Variants in LAMA3 observed in about 807,000 individuals in gnomAD.
The protein encoded by LAMA3 is laminin subunit alpha 3, also known as laminin subunit alpha-3.
LAMA3 carries 281 observed loss-of-function variants against 402.0 expected under a neutral mutation model. The ratio of observed to expected loss-of-function variants is 0.70; its 90% CI spans 0.63 to 0.77. The LOEUF is 0.77. Among genes scored for constraint, LAMA3 ranks in the 30% least tolerant of loss-of-function variants. The pLI, the probability that LAMA3 is intolerant of heterozygous loss-of-function variation, is 0.00. For synonymous variants in LAMA3, 1,431 were observed against 1,558.4 expected (o/e 0.92, Z 1.93); for missense variants, 3,840 against 4,215.5 (o/e 0.91, Z 2.47).
At chr18:23,828,581 T>A (rs2063431393) in intron 23 of LAMA3, among the ~76,000 whole-genome samples, 1 of 151,908 alleles carries the variant, frequency 6.6e-6, no homozygotes, top group Admixed American at 6.6e-5. Flanking sequence ...GGTATATGTA[T>A]GTGTGTGTGT....
chr18:23,915,873 G>A (rs2081592902), intron 59 of LAMA3, among the ~76,000 whole-genome samples: 1 of 151,680 alleles, frequency 6.6e-6, no homozygotes, highest in Non-Finnish European at 1.5e-5. Flanking sequence ...GAGTGTGATG[G>A]TGTGTGCCTG....
At chr18:23,756,626 C>A (rs1190803180) in intron 6 of LAMA3, among the ~76,000 whole-genome samples, 2 of 152,160 alleles carry the variant, frequency 1.3e-5, no homozygotes, top group Non-Finnish European at 2.9e-5. Context: ...GCACCAGTAT[C>A]GTCATCTGCA....
rs1357194797 is a variant in LAMA3, at chr18:23,838,666, AATT to A, written c.3094-109_3094-107del. On this transcript the variant is annotated intron_variant, in intron 25 of 74. Transcript: ENST00000313654. ...TTTACTACTTTAAAATAACGATTAG[AATT>A]ATTATGGATAAATCCTTTACTTAAT... The A allele has an allele frequency of 4.2e-6, 3 of 713,060 alleles. No individual in the cohort carries two copies. The African/African-American group carries it at 5.2e-5, about 12-fold the overall frequency. 44.2% of individuals were successfully genotyped at this position (713,060 alleles called of 1,614,324 possible).
At chr18:23,690,872 ATTAT>A (rs10665618) in intron 1 of LAMA3, among the ~76,000 whole-genome samples, 9,162 of 136,888 alleles carry the variant, frequency 0.067, 353 homozygotes, top group Middle Eastern at 0.13. Context: ...AGGCCTGGCA[ATTAT>A]TTATTTATTT....
At position 23,914,693 on chromosome 18, in the gene LAMA3, A is replaced by C. The variant is rs780657629; in HGVS notation, c.7482-5A>C. 3.7e-5 allele frequency: 59 copies of C among 1,610,616 alleles called. 1 individual carries two copies. In the South Asian group the frequency reaches 5.3e-4, roughly 14 times the overall value. On this transcript the variant is annotated splice_polypyrimidine_tract_variant and splice_region_variant and intron_variant, in intron 57 of 74. Coordinates refer to ENST00000313654, the MANE Select transcript of LAMA3 (RefSeq NM_198129.4). ...AACTTTATTATCTAAATTCATTTTA[A>C]ACAGAATTTATCAGTTTGCAAGGCT...
rs750961222 is a variant in LAMA3 at position 23,950,136 on chromosome 18, T to A, written c.9619T>A (p.Cys3207Ser). ...CGGAAGTCAGCCCGGGAAGCACTTA[T>A]GTGTTTACCTGGAGGCAGGAAAGGT... ...HIGSQPGKHL[C>S]VYLEAGKVTA... is the part of the protein sequence containing the mutation. Residue 3207 changes from cysteine (C) to serine (S), a missense_variant, in exon 72 of 75, where the codon TGT becomes AGT. Cys to Ser is a moderately radical substitution (Grantham distance 112). This residue lies in a region of LAMA3 where 840 missense variants were observed against 981.9 expected (regional missense o/e 0.86). Transcript: ENST00000313654. The A allele has an allele frequency of 7.4e-6, 12 of 1,614,002 alleles. No homozygotes were observed. In the South Asian group the frequency reaches 1.3e-4, roughly 18 times the overall value.
At chr18:23,947,332 T>C (rs1266800832) in intron 70 of LAMA3, among the ~76,000 whole-genome samples, 1 of 152,204 alleles carries the variant, frequency 6.6e-6, no homozygotes, top group Non-Finnish European at 1.5e-5. Context: ...GATGAGCCTA[T>C]CAACAGCTCA....
At chr18:23,884,467 T>C (rs181010556) in intron 40 of LAMA3, among the ~76,000 whole-genome samples, 2 of 152,282 alleles carry the variant, frequency 1.3e-5, no homozygotes, top group Admixed American at 1.3e-4. Flanking sequence ...CCTGGAAAAA[T>C]GCTGTTGTAA....
rs1224162324 is a variant in LAMA3, at chr18:23,813,061, C to T, written c.1746C>T (p.Ser582=). Residue 582 remains serine, a synonymous_variant, in exon 14 of 75, where the codon TCC becomes TCT. Coordinates refer to ENST00000313654, the MANE Select transcript of LAMA3 (RefSeq NM_198129.4). ...AAATTTCTGAATCATATTCAGGTTC[C>T]AGCAGTGCTTGTGACCCAGCTGGTA... The part of the protein sequence containing the change: ...GAYDFPHCQG[S]SSACDPAGTI... The T allele has an allele frequency of 1.9e-6, 3 of 1,606,922 alleles. No homozygotes were observed. Among genetic ancestry groups the T allele is most frequent in the Non-Finnish European group, 8.5e-7 (1 of 1,173,586 alleles).
At chr18:23,807,900 C>A (rs2062994209) in intron 12 of LAMA3, among the ~76,000 whole-genome samples, 1 of 152,208 alleles carries the variant, frequency 6.6e-6, no homozygotes, top group Non-Finnish European at 1.5e-5. Flanking sequence ...CCTCAGAATT[C>A]TACCACTAGG....
At chr18:23,885,621 A>G (rs1301893934) in intron 41 of LAMA3, among the ~76,000 whole-genome samples, 1 of 152,134 alleles carries the variant, frequency 6.6e-6, no homozygotes, top group East Asian at 1.9e-4. Flanking sequence ...AGAAAGATAT[A>G]AAAGATACTT....
chr18:23,927,007 G>A (rs1053057113), intron 62 of LAMA3, among the ~76,000 whole-genome samples: 3 of 152,140 alleles, frequency 2.0e-5, no homozygotes, highest in Admixed American at 6.5e-5. Context: ...AAACAGGCAC[G>A]GAGAAAAGTT....
chr18:23,711,465 G>A (rs1454320667), intron 1 of LAMA3, among the ~76,000 whole-genome samples: 1 of 152,226 alleles, frequency 6.6e-6, no homozygotes, highest in African/African-American at 2.4e-5. Context: ...AGGCTAAGAT[G>A]ATTCTAAATG....
chr18:23,832,947 G>A (rs2063515045), intron 23 of LAMA3, among the ~76,000 whole-genome samples: 1 of 152,098 alleles, frequency 6.6e-6, no homozygotes, highest in African/African-American at 2.4e-5. Flanking sequence ...ACTTCTGAGA[G>A]CTCTGTATGT....
chr18:23,812,066 G>A (rs376933664), intron 13 of LAMA3, among the ~76,000 whole-genome samples: 6 of 152,062 alleles, frequency 3.9e-5, no homozygotes, highest in East Asian at 3.9e-4. Flanking sequence ...GTAGAGATGG[G>A]GTTTCACCAT....
intron 12 of LAMA3, among the ~76,000 whole-genome samples, chr18:23,792,485 T>C (rs914151836): frequency 3.3e-5 from 5 of 152,212 alleles, no homozygotes; most frequent in Non-Finnish European, 5.9e-5. Context: ...CCGAGGGCAT[T>C]AATCTACTCA....
At chr18:23,867,195 G>A (rs192499245) in intron 36 of LAMA3, among the ~76,000 whole-genome samples, 2 of 151,322 alleles carry the variant, frequency 1.3e-5, no homozygotes, top group East Asian at 2.0e-4. Context: ...TCTTCCCACC[G>A]CAGGCTGGTT....
At chr18:23,904,174 G>C in intron 50 of LAMA3, 87 bp downstream of exon 50, 2 of 1,514,650 alleles carry the variant, frequency 1.3e-6, no homozygotes, top group Non-Finnish European at 1.8e-6. Context: ...CCCCTGGGTT[G>C]GCTGGGTCTC....
At chr18:23,698,139 G>A (rs945607486) in intron 1 of LAMA3, among the ~76,000 whole-genome samples, 1 of 150,956 alleles carries the variant, frequency 6.6e-6, no homozygotes, top group Admixed American at 6.6e-5. Flanking sequence ...TTTGTGGGAG[G>A]GGGTGGGTGG....
Sources: allele counts gnomAD v4.1 joint callset (sites outside exome capture counted in the v4.1 genomes callset), GRCh38; gene constraint gnomAD v4.1.1; regional missense constraint gnomAD v4.1.1; transcripts MANE v1.5; gene names NCBI Gene and HGNC (gene_info 2026-07-23, HGNC 2026-07-21).